ADAMTSL1: variants seen among roughly 807,000 people sequenced by gnomAD.
ADAMTSL1 encodes the protein ADAMTS-like protein 1.
ADAMTSL1 carries 126 observed loss-of-function variants against 201.8 expected under a neutral mutation model. The ratio of observed to expected loss-of-function variants is 0.62; its 90% CI spans 0.54 to 0.72. ADAMTSL1 has a LOEUF of 0.72. ADAMTSL1 is among the 30% of genes least tolerant of loss of function. ADAMTSL1 has a pLI of 0.00. For synonymous variants in ADAMTSL1, 1,121 were observed against 903.4 expected (o/e 1.24, Z -4.32); for missense variants, 2,679 against 2,277.8 (o/e 1.18, Z -3.59).
At chr9:18,039,681 A>G (rs1332723267) in intron 1 of ADAMTSL1, among the ~76,000 whole-genome samples, 1 of 152,178 alleles carries the variant, frequency 6.6e-6, no homozygotes, top group Non-Finnish European at 1.5e-5. Context: ...TGCTGTGGAG[A>G]CATGCACACG....
At chr9:18,585,078 A>G (rs1407286808) in intron 4 of ADAMTSL1, among the ~76,000 whole-genome samples, 1 of 152,216 alleles carries the variant, frequency 6.6e-6, no homozygotes, top group Non-Finnish European at 1.5e-5. Context: ...CAAAGCCGGA[A>G]AGTGACACTT....
intron 23 of ADAMTSL1, among the ~76,000 whole-genome samples, chr9:18,849,525 G>A (rs897965778): frequency 1.3e-5 from 2 of 152,200 alleles, no homozygotes; most frequent in East Asian, 1.9e-4. Context: ...ATGGTCAAAG[G>A]TTAGGTAAAA....
chr9:18,606,745 A>C (rs1235673375), intron 4 of ADAMTSL1, among the ~76,000 whole-genome samples: 1 of 152,178 alleles, frequency 6.6e-6, no homozygotes, highest in Non-Finnish European at 1.5e-5. Flanking sequence ...ACCGTACTTC[A>C]TAAACACCAC....
At chr9:18,104,023 ATG>A (rs372437503) in intron 1 of ADAMTSL1, among the ~76,000 whole-genome samples, 5 of 151,906 alleles carry the variant, frequency 3.3e-5, no homozygotes, top group African/African-American at 9.7e-5. Flanking sequence ...TTACTTTATC[ATG>A]TGTGTGTGTG....
At position 18,691,679 on chromosome 9, in the gene ADAMTSL1, G is replaced by A. The variant is rs542155576; in HGVS notation, c.1574+6879G>A. Among the ~76,000 whole-genome samples, 345 of 152,264 alleles carry A rather than the reference G, an allele frequency of 2.3e-3. 2 individuals carry two copies. Among genetic ancestry groups the A allele is most frequent in the African/African-American group, 7.9e-3 (327 of 41,534 alleles). Reference sequence around the variant, plus strand: ...TTTGATCATACCTCCATGCAGGACAGCTCTGCACAGTGACTAAAAGTGTGG... The same window carrying A: ...TTTGATCATACCTCCATGCAGGACAACTCTGCACAGTGACTAAAAGTGTGG... On this transcript the variant is annotated intron_variant, in intron 13 of 28. Coordinates refer to ENST00000380548, the MANE Select transcript of ADAMTSL1 (RefSeq NM_001040272.6).
chr9:17,907,520 C>T (rs1009851376), intron 1 of ADAMTSL1, among the ~76,000 whole-genome samples: 13 of 152,264 alleles, frequency 8.5e-5, no homozygotes, highest in African/African-American at 3.1e-4. Flanking sequence ...GGGTGGGTGC[C>T]CGAGGATTGG....
At chr9:18,644,211 A>G (rs1183798455) in intron 7 of ADAMTSL1, among the ~76,000 whole-genome samples, 1 of 151,754 alleles carries the variant, frequency 6.6e-6, no homozygotes, top group Non-Finnish European at 1.5e-5. Flanking sequence ...TGATGTTTAT[A>G]TGTTGATTTT....
chr9:18,300,650 G>C (rs968632888), intron 2 of ADAMTSL1, among the ~76,000 whole-genome samples: 2 of 152,004 alleles, frequency 1.3e-5, no homozygotes, highest in African/African-American at 4.8e-5. Context: ...TTCTAAAGCC[G>C]CTCTTCATGA....
intron 1 of ADAMTSL1, among the ~76,000 whole-genome samples, chr9:18,479,922 A>G (rs1282461455): frequency 6.6e-6 from 1 of 152,214 alleles, no homozygotes; most frequent in African/African-American, 2.4e-5. Flanking sequence ...ACGCTAAGAA[A>G]CGCAAAAGAG....
At chr9:18,575,774 T>G (rs1290882613) in intron 4 of ADAMTSL1, among the ~76,000 whole-genome samples, 1 of 152,232 alleles carries the variant, frequency 6.6e-6, no homozygotes, top group Non-Finnish European at 1.5e-5. Context: ...AGCTGTATGT[T>G]TGGTCATGCC....
At chr9:18,064,425 C>A (rs142560343) in intron 1 of ADAMTSL1, among the ~76,000 whole-genome samples, 143 of 152,250 alleles carry the variant, frequency 9.4e-4, no homozygotes, top group African/African-American at 3.3e-3. Flanking sequence ...TTGCTATTTA[C>A]AATTTAGGAG....
intron 15 of ADAMTSL1, chr9:18,723,447 G>A (rs1587987047): frequency 3.7e-6 from 1 of 268,180 alleles, no homozygotes; most frequent in East Asian, 8.8e-5. Context: ...CCTTCTTTGA[G>A]CACCAAAACG....
intron 19 of ADAMTSL1, 116 bp downstream of exon 19, chr9:18,778,022 T>A: frequency 7.4e-7 from 1 of 1,353,738 alleles, no homozygotes; most frequent in Non-Finnish European, 9.9e-7. Flanking sequence ...AGAGCTGGCC[T>A]CGGGGACCCC....
intron 14 of ADAMTSL1, 81 bp downstream of exon 14, chr9:18,707,129 T>C: frequency 6.7e-7 from 1 of 1,492,882 alleles, no homozygotes; most frequent in Non-Finnish European, 9.0e-7. Context: ...ATCATGTGAC[T>C]GCCTCAAATC....
chr9:18,586,748 A>G (rs889996595), intron 4 of ADAMTSL1, among the ~76,000 whole-genome samples: 2 of 152,180 alleles, frequency 1.3e-5, no homozygotes, highest in Non-Finnish European at 2.9e-5. Context: ...AAGAACAGAC[A>G]CATAGACCAA....
intron 1 of ADAMTSL1, among the ~76,000 whole-genome samples, chr9:18,060,747 G>T (rs372592817): frequency 6.6e-6 from 1 of 152,010 alleles, no homozygotes; most frequent in African/African-American, 2.4e-5. Context: ...AAATTCTCAG[G>T]TTCTCTGTTT....
At chr9:18,599,096 A>G (rs1824460119) in intron 4 of ADAMTSL1, among the ~76,000 whole-genome samples, 1 of 152,182 alleles carries the variant, frequency 6.6e-6, no homozygotes, top group African/African-American at 2.4e-5. Flanking sequence ...TGATTGACAG[A>G]AAGATTTATT....
chr9:18,418,801 TCA>T (rs1463749772), intron 2 of ADAMTSL1, among the ~76,000 whole-genome samples: 2 of 152,202 alleles, frequency 1.3e-5, no homozygotes, highest in Non-Finnish European at 2.9e-5. Context: ...GCCATTCCAC[TCA>T]CAATCCTATG....
At position 18,681,823 on chromosome 9, in the gene ADAMTSL1, A is replaced by G. The variant is rs13293151; in HGVS notation, c.1353A>G (p.Thr451=). 0.39 allele frequency: 620,641 copies of G among 1,611,036 alleles called. 123,556 individuals carry two copies. Among genetic ancestry groups the G allele is most frequent in the Non-Finnish European group, 0.41 (486,266 of 1,178,054 alleles). The stretch of plus-strand genomic sequence containing the variant: ...CAATCTCTTTCCAGTGCACAGTGAC[A>G]TGTGGCCAGGGCCTCAGATACCGTG... ...LAQEWSPCTV[T]CGQGLRYRVV... The change falls in exon 12 of 29, where the codon ACA becomes ACG. Residue 451 remains threonine, a synonymous_variant. Coordinates refer to ENST00000380548, the MANE Select transcript of ADAMTSL1 (RefSeq NM_001040272.6).
Sources: allele counts gnomAD v4.1 joint callset (sites outside exome capture counted in the v4.1 genomes callset), GRCh38; gene constraint gnomAD v4.1.1; transcripts MANE v1.5; gene names NCBI Gene and HGNC (gene_info 2026-07-23, HGNC 2026-07-21).